Variants in OR6N1 observed in about 807,000 individuals in gnomAD.
The protein encoded by OR6N1 is olfactory receptor family 6 subfamily N member 1.
For synonymous variants in OR6N1, 170 were observed against 150.7 expected (o/e 1.13, Z -0.94); for missense variants, 394 against 371.7 (o/e 1.06, Z -0.49).
the OR6N1 span, among the ~76,000 whole-genome samples, chr1:158,781,618 A>T: frequency 0.12 from 18,786 of 152,208 alleles, 1,382 homozygotes; most frequent in South Asian, 0.35. Flanking sequence ...ATCCGAAGAG[A>T]CACTGTTTCC....
the OR6N1 span, among the ~76,000 whole-genome samples, chr1:158,802,459 T>C: frequency 5.1e-3 from 782 of 152,138 alleles, 8 homozygotes; most frequent in Non-Finnish European, 5.5e-3. Context: ...CCACCCGCCT[T>C]GGCCTCCCCG....
chr1:158,834,293 C>T, the OR6N1 span, among the ~76,000 whole-genome samples: 15 of 142,208 alleles, frequency 1.1e-4, no homozygotes, highest in Admixed American at 1.5e-4. Flanking sequence ...AGTGCAGTGG[C>T]GCGATCTCGA....
chr1:158,790,684 G>T, the OR6N1 span, among the ~76,000 whole-genome samples: 1 of 152,150 alleles, frequency 6.6e-6, no homozygotes, highest in Non-Finnish European at 1.5e-5. Flanking sequence ...GATTACAGGC[G>T]TGAGCCACTG....
the OR6N1 span, among the ~76,000 whole-genome samples, chr1:158,800,405 T>C: frequency 6.6e-6 from 1 of 152,224 alleles, no homozygotes; most frequent in African/African-American, 2.4e-5. Context: ...TTTTCAAGGT[T>C]TGACAATATT....
At chr1:158,782,084 C>T in the OR6N1 span, among the ~76,000 whole-genome samples, 1 of 152,190 alleles carries the variant, frequency 6.6e-6, no homozygotes, top group African/African-American at 2.4e-5. Flanking sequence ...CAAGGTCACA[C>T]TACCATAAAG....
the OR6N1 span, among the ~76,000 whole-genome samples, chr1:158,806,960 G>A: frequency 3.8e-5 from 5 of 133,168 alleles, no homozygotes; most frequent in East Asian, 9.0e-4. Context: ...CTGAGATCGC[G>A]CCATTGCACT....
the OR6N1 span, chr1:158,777,565 C>T: frequency 6.2e-7 from 1 of 1,614,108 alleles, no homozygotes. Flanking sequence ...AAGCCAGCCC[C>T]TGACATAGCC....
the OR6N1 span, among the ~76,000 whole-genome samples, chr1:158,816,511 A>G: frequency 5.3e-5 from 8 of 152,136 alleles, no homozygotes; most frequent in Admixed American, 5.2e-4. Flanking sequence ...GCAACAAAGC[A>G]AGACCCTGTC....
At chr1:158,778,234 C>T in the OR6N1 span, among the ~76,000 whole-genome samples, 1 of 152,172 alleles carries the variant, frequency 6.6e-6, no homozygotes, top group Non-Finnish European at 1.5e-5. Context: ...TCTCTGCCAC[C>T]AGGCAGCTTA....
At chr1:158,780,514 A>G in the OR6N1 span, among the ~76,000 whole-genome samples, 19 of 152,228 alleles carry the variant, frequency 1.2e-4, no homozygotes, top group Admixed American at 7.8e-4. Context: ...TAAACCTATC[A>G]TAATGAAGAT....
the OR6N1 span, among the ~76,000 whole-genome samples, chr1:158,826,612 T>C: frequency 1.3e-5 from 2 of 152,126 alleles, no homozygotes; most frequent in Non-Finnish European, 2.9e-5. Context: ...ATGCAGTAAA[T>C]GCTAAGACAT....
the OR6N1 span, among the ~76,000 whole-genome samples, chr1:158,812,377 T>C: frequency 6.6e-6 from 1 of 152,234 alleles, no homozygotes; most frequent in Non-Finnish European, 1.5e-5. Flanking sequence ...GTGGAAGTGT[T>C]CCAAATATAG....
chr1:158,797,646 C>T, the OR6N1 span, among the ~76,000 whole-genome samples: 2 of 152,174 alleles, frequency 1.3e-5, no homozygotes, highest in East Asian at 3.9e-4. Flanking sequence ...GGTAATTAAT[C>T]TTGTTTTGTT....
the OR6N1 span, among the ~76,000 whole-genome samples, chr1:158,819,700 G>A: frequency 6.6e-6 from 1 of 152,096 alleles, no homozygotes; most frequent in African/African-American, 2.4e-5. Flanking sequence ...GGAAAAAAAA[G>A]CAGTCAGCTT....
chr1:158,799,793 C>A, the OR6N1 span, among the ~76,000 whole-genome samples: 5 of 152,058 alleles, frequency 3.3e-5, no homozygotes, highest in African/African-American at 4.8e-5. Flanking sequence ...CTGCAGGAGT[C>A]TGAGAGAAGA....
At chr1:158,780,113 G>A in the OR6N1 span, among the ~76,000 whole-genome samples, 2 of 152,134 alleles carry the variant, frequency 1.3e-5, no homozygotes. Flanking sequence ...AATAAACTTA[G>A]CGTCTCACAT....
At chr1:158,832,426 T>TGGTGAAATC in the OR6N1 span, among the ~76,000 whole-genome samples, 6 of 151,874 alleles carry the variant, frequency 4.0e-5, no homozygotes, top group Non-Finnish European at 8.8e-5. Context: ...CTGAGAGATG[T>TGGTGAAATC]GGTGAAATCT....
chr1:158,834,671 C>T, the OR6N1 span, among the ~76,000 whole-genome samples: 5 of 152,108 alleles, frequency 3.3e-5, no homozygotes, highest in South Asian at 2.1e-4. Context: ...CCTGTGCCAT[C>T]GGTGTCATGT....
the OR6N1 span, among the ~76,000 whole-genome samples, chr1:158,807,337 T>C: frequency 3.9e-4 from 59 of 152,332 alleles, no homozygotes; most frequent in Non-Finnish European, 2.5e-4. Context: ...CAGTAAGATC[T>C]GTAGGAATGA....
Sources: allele counts gnomAD v4.1 joint callset (sites outside exome capture counted in the v4.1 genomes callset), GRCh38; gene constraint gnomAD v4.1.1; transcripts MANE v1.5; gene names NCBI Gene and HGNC (gene_info 2026-07-23, HGNC 2026-07-21).